GRM7: variants seen among roughly 807,000 people sequenced by gnomAD.
GRM7 encodes the protein metabotropic glutamate receptor 7.
In GRM7, 35 loss-of-function variants were observed where a neutral mutation model predicts 84.5. The observed-to-expected ratio is 0.41, with a 90% CI of 0.32 to 0.55. GRM7 has a LOEUF of 0.55. Among genes scored for constraint, GRM7 ranks in the 20% least tolerant of loss-of-function variants. The probability of loss-of-function intolerance (pLI) is 0.19; values close to 1 mark genes in which losing one functional copy is unlikely to be tolerated. For missense variants in GRM7, 1,003 were observed against 1,194.6 expected, an observed-to-expected ratio of 0.84 and a Z score of 2.36; for synonymous variants, 487 against 455.1, an observed-to-expected ratio of 1.07 and a Z score of -0.89.
chr3:7,113,262 A>T (rs1321161763), intron 1 of GRM7, among the ~76,000 whole-genome samples: 24 of 152,124 alleles, frequency 1.6e-4, no homozygotes, highest in Non-Finnish European at 2.9e-5. Context: ...TAGTGACTTT[A>T]TTTTATTTTT....
chr3:7,117,433 G>C (rs17046810), intron 1 of GRM7, among the ~76,000 whole-genome samples: 1 of 152,100 alleles, frequency 6.6e-6, no homozygotes, highest in Non-Finnish European at 1.5e-5. Flanking sequence ...ACTAACCCAC[G>C]TGTATCTCTG....
chr3:7,252,423 A>G (rs1410660272), intron 2 of GRM7, among the ~76,000 whole-genome samples: 2 of 152,118 alleles, frequency 1.3e-5, no homozygotes, highest in African/African-American at 4.8e-5. Flanking sequence ...TGGCCTGTTG[A>G]TTCTTTAAAG....
At chr3:7,344,044 A>G (rs1436442159) in intron 4 of GRM7, among the ~76,000 whole-genome samples, 1 of 152,128 alleles carries the variant, frequency 6.6e-6, no homozygotes, top group African/African-American at 2.4e-5. Context: ...AAAATTATTC[A>G]TATAAAAAGA....
intron 4 of GRM7, 71 bp downstream of exon 4, chr3:7,306,723 CT>C: frequency 7.5e-7 from 1 of 1,341,750 alleles, no homozygotes. Context: ...AAGCATGTGA[CT>C]TTTTAGGGGT....
intron 4 of GRM7, among the ~76,000 whole-genome samples, chr3:7,351,540 A>G (rs1408585213): frequency 6.6e-6 from 1 of 151,936 alleles, no homozygotes; most frequent in Non-Finnish European, 1.5e-5. Context: ...CTGTGAGGGT[A>G]TCTCCAGAGG....
rs916286093 is a variant in GRM7 at position 7,672,724 on chromosome 3, C to T, written c.2452-7325C>T. ...GGTTCATGCCATTCTCCTGCCTCAG[C>T]CTCCCAAGTAGCTGGGACTACAGGC... On this transcript the variant is annotated intron_variant, in intron 8 of 9. Coordinates refer to ENST00000357716, the MANE Select transcript of GRM7 (RefSeq NM_000844.4). 2.6e-5 allele frequency among the ~76,000 whole-genome samples: 4 copies of T among 151,922 alleles called. 1 individual carries two copies.
intron 8 of GRM7, among the ~76,000 whole-genome samples, chr3:7,654,232 T>C (rs1272398739): frequency 1.3e-5 from 2 of 152,188 alleles, no homozygotes; most frequent in Non-Finnish European, 2.9e-5. Context: ...TGCAAGGTAA[T>C]TGATACTGTG....
chr3:7,432,729 G>A (rs959430023), intron 5 of GRM7, among the ~76,000 whole-genome samples: 2 of 151,948 alleles, frequency 1.3e-5, no homozygotes, highest in African/African-American at 4.8e-5. Context: ...TCTATCAAAC[G>A]AAGGCTATCA....
chr3:6,892,570 A>T (rs1381458769), intron 1 of GRM7: 1 of 152,168 alleles, frequency 6.6e-6, no homozygotes, highest in Non-Finnish European at 1.5e-5. Flanking sequence ...TGTCAGGGAC[A>T]AGAGCAGGAA....
intron 9 of GRM7, among the ~76,000 whole-genome samples, chr3:7,725,529 C>T (rs1488472721): frequency 1.3e-5 from 2 of 152,046 alleles, no homozygotes; most frequent in Non-Finnish European, 2.9e-5. Context: ...AAGTAAAGGC[C>T]TTGGTTTGGA....
intron 1 of GRM7, among the ~76,000 whole-genome samples, chr3:7,052,880 T>C (rs568514412): frequency 8.6e-5 from 13 of 151,620 alleles, no homozygotes; most frequent in Non-Finnish European, 1.9e-4. Flanking sequence ...TCAGTAGACA[T>C]ATGCCTTAAA....
intron 5 of GRM7, among the ~76,000 whole-genome samples, chr3:7,451,207 A>G (rs979945337): frequency 3.3e-5 from 5 of 152,190 alleles, no homozygotes; most frequent in African/African-American, 9.7e-5. Flanking sequence ...TACTTAATGA[A>G]TGCATAATTT....
chr3:7,585,854 G>T (rs1004166558), intron 8 of GRM7, among the ~76,000 whole-genome samples: 5 of 152,166 alleles, frequency 3.3e-5, no homozygotes, highest in African/African-American at 1.2e-4. Flanking sequence ...AACAGAGCGT[G>T]GTGTGCTGAT....
rs955049791 is a variant in GRM7 at position 7,482,823 on chromosome 3, G to T, written c.1515+21101G>T. Among the ~76,000 whole-genome samples, 9 of 152,170 alleles carry T rather than the reference G, an allele frequency of 5.9e-5. No homozygotes were observed. In the East Asian group the frequency reaches 1.5e-3, roughly 26 times the overall value. ...AGAAGTGTTCTAGGGAAAGACTAAG[G>T]ATGTGCTTCTTCTGATTCTGAGGAT... On this transcript the variant is annotated intron_variant, in intron 7 of 9. Coordinates refer to ENST00000357716, the MANE Select transcript of GRM7 (RefSeq NM_000844.4).
chr3:7,586,545 C>T (rs140758185), intron 8 of GRM7, among the ~76,000 whole-genome samples: 12 of 152,258 alleles, frequency 7.9e-5, no homozygotes, highest in African/African-American at 2.6e-4. Flanking sequence ...CAGTGGCTCA[C>T]GCCTGTAATT....
At chr3:6,955,734 T>G (rs1693016011) in intron 1 of GRM7, among the ~76,000 whole-genome samples, 1 of 151,104 alleles carries the variant, frequency 6.6e-6, no homozygotes, top group African/African-American at 2.4e-5. Context: ...CCCAGCCACT[T>G]GGGAGGCTGA....
chr3:6,901,316 T>C lies in GRM7; in HGVS notation c.519+39409T>C, dbSNP rs1398383569. Reference sequence around the variant, plus strand: ...CAGTTTAGCAATAAGAAGATTTATGTAGGCTGGGCGCAGTGGCTCACGCCT... The same window carrying C: ...CAGTTTAGCAATAAGAAGATTTATGCAGGCTGGGCGCAGTGGCTCACGCCT... On this transcript the variant is annotated intron_variant, in intron 1 of 9. Transcript: ENST00000357716. 1.3e-5 allele frequency among the ~76,000 whole-genome samples: 2 copies of C among 152,146 alleles called. 1 individual carries two copies. The highest frequency in any genetic ancestry group is 3.9e-4 in the East Asian group (2 of 5,188).
chr3:6,961,017 T>C (rs1331757023), intron 1 of GRM7, among the ~76,000 whole-genome samples: 2 of 152,214 alleles, frequency 1.3e-5, no homozygotes, highest in African/African-American at 2.4e-5. Context: ...TCACTATTTT[T>C]GTCCTTATTT....
At chr3:6,922,976 C>G (rs1215653412) in intron 1 of GRM7, among the ~76,000 whole-genome samples, 1 of 152,086 alleles carries the variant, frequency 6.6e-6, no homozygotes, top group Non-Finnish European at 1.5e-5. Context: ...TTTAGGCTAT[C>G]AAACAAACAT....
Sources: gnomAD v4.1 joint callset for allele counts (sites outside exome capture counted in the v4.1 genomes callset) on GRCh38, gnomAD v4.1.1 for gene constraint, MANE v1.5 for transcripts, NCBI Gene and HGNC (gene_info 2026-07-23, HGNC 2026-07-21) for gene names.